The following CDC42BPB variants were observed in gnomAD, a reference collection of about 807,000 sequenced individuals.
The protein encoded by CDC42BPB is serine/threonine-protein kinase MRCK beta.
CDC42BPB carries 37 observed loss-of-function variants against 214.9 expected under a neutral mutation model. The ratio of observed to expected loss-of-function variants is 0.17; its 90% CI spans 0.13 to 0.23. The LOEUF (loss-of-function observed/expected upper bound fraction) is 0.23. Ranked by LOEUF, CDC42BPB falls within the 10% of genes least tolerant of loss-of-function variation. The pLI, the probability that CDC42BPB is intolerant of heterozygous loss-of-function variation, is 1.00. For synonymous variants in CDC42BPB, 931 were observed against 884.0 expected, an observed-to-expected ratio of 1.05 and a Z score of -0.94; for missense variants, 1,694 against 2,227.0, an observed-to-expected ratio of 0.76 and a Z score of 4.82.
rs376271446 is a variant in CDC42BPB at position 102,970,138 on chromosome 14, C to T, written c.1995+13G>A. The T allele has an allele frequency of 1.6e-5, 25 of 1,597,064 alleles. No homozygotes were observed. The highest frequency in any genetic ancestry group is 2.7e-5 in the African/African-American group (2 of 74,536). ...CCTCTCAGTTAAGGGCAGAGACCCC[C>T]GCCCAGCACTACCTTGAGGGCCTCC... On this transcript the variant is annotated intron_variant, in intron 14 of 36. Coordinates refer to ENST00000361246, the MANE Select transcript of CDC42BPB (RefSeq NM_006035.4).
At chr14:102,992,334 A>G (rs1894531872) in intron 5 of CDC42BPB, among the ~76,000 whole-genome samples, 1 of 152,230 alleles carries the variant, frequency 6.6e-6, no homozygotes, top group Non-Finnish European at 1.5e-5. Context: ...ACTACAGATA[A>G]CAGTGATTTA....
chr14:102,934,552 A>C (rs1891552976), intron 36 of CDC42BPB, among the ~76,000 whole-genome samples: 1 of 152,048 alleles, frequency 6.6e-6, no homozygotes, highest in Non-Finnish European at 1.5e-5. Flanking sequence ...ACAAAACAAA[A>C]AAAACAAAAA....
rs892688973 is a variant in CDC42BPB, at chr14:102,943,681, G to A, written c.4408+210C>T. ...AGAACCGGCCCCATGTGCTCAGGGA[G>A]AGAGGTTGCTGAGCCCGCCTACTGC... On this transcript the variant is annotated intron_variant, in intron 30 of 36. Transcript: ENST00000361246. The surrounding 1 kb of genome is among the most constrained non-coding windows in gnomAD (Gnocchi z 4.6). The A allele has an allele frequency of 3.5e-6, 2 of 568,300 alleles. No homozygotes were observed. The highest frequency in any genetic ancestry group is 6.2e-6 in the Non-Finnish European group (2 of 324,266). 35.2% of individuals were successfully genotyped at this position (568,300 alleles called of 1,614,324 possible). A position where few individuals can be genotyped will look rare whatever the true frequency, so the allele number is the denominator to read the frequency against.
chr14:102,990,746 C>A (rs557406484), intron 5 of CDC42BPB, among the ~76,000 whole-genome samples: 32 of 152,218 alleles, frequency 2.1e-4, no homozygotes, highest in African/African-American at 7.7e-4. Flanking sequence ...ATAGGATGAG[C>A]CAGAAACTAA....
intron 6 of CDC42BPB, among the ~76,000 whole-genome samples, chr14:102,985,114 A>AT: frequency 6.6e-6 from 1 of 151,502 alleles, no homozygotes. Context: ...AGGGTAACCC[A>AT]TGTTCTGGTT....
rs1043565411 is a variant in CDC42BPB at position 103,057,491 on chromosome 14, C to T, written c.-318G>A. 5.4e-6 allele frequency: 1 copy of T among 185,136 alleles called. No homozygotes were observed. Among genetic ancestry groups the T allele is most frequent in the Non-Finnish European group, 9.9e-6 (1 of 100,714 alleles). The allele number at this position is 185,136 out of a possible 1,614,324, so 11.5% of individuals were successfully genotyped here. A position where few individuals can be genotyped will look rare whatever the true frequency, so the allele number is the denominator to read the frequency against. On this transcript the variant is annotated 5_prime_UTR_variant, in exon 1 of 37. Transcript: ENST00000361246. ...GCCGCGCCCTCCCCGCCGCCGCCGC[C>T]GCAGACTAGGAGCGGCGAGGAGCCT...
chr14:102,948,051 C>A, intron 26 of CDC42BPB: 2 of 798,812 alleles, frequency 2.5e-6, no homozygotes, highest in Non-Finnish European at 3.0e-6. Flanking sequence ...TGTGCTGGTG[C>A]CTCCAGACTA....
chr14:102,974,426 C>T (rs1893643361), intron 11 of CDC42BPB: 7 of 925,354 alleles, frequency 7.6e-6, no homozygotes, highest in Non-Finnish European at 9.0e-6. Context: ...TTGGGTGGCG[C>T]ACACACTCGT....
intron 8 of CDC42BPB, among the ~76,000 whole-genome samples, chr14:102,978,815 A>G (rs1893872158): frequency 6.6e-6 from 1 of 152,106 alleles, no homozygotes. Flanking sequence ...AGATCAGCCT[A>G]GGCCAACATG....
chr14:103,008,611 C>A, intron 2 of CDC42BPB, 56 bp from the exon 3 acceptor site: 2 of 1,591,136 alleles, frequency 1.3e-6, no homozygotes, highest in Non-Finnish European at 8.6e-7. Flanking sequence ...AAGGCTAGCA[C>A]GCTGGAGCTA....
At chr14:102,954,459 C>A (rs1278643757) in intron 22 of CDC42BPB, 143 bp downstream of exon 22, 2 of 1,425,640 alleles carry the variant, frequency 1.4e-6, no homozygotes, top group Admixed American at 5.7e-5. Context: ...ACAGTTAATT[C>A]TCAAAATGAA....
intron 27 of CDC42BPB, among the ~76,000 whole-genome samples, chr14:102,947,268 AGTCTTCTAGGAACGTCCTAATGCTACAAT>A (rs1892225114): frequency 1.3e-5 from 2 of 152,172 alleles, no homozygotes; most frequent in African/African-American, 4.8e-5. Context: ...TCCCCAATTC[AGTCTTCTAGGAACGTCCTAATGCTACAAT>A]GTCTAACACT....
At chr14:103,019,457 G>T (rs1886648540) in intron 1 of CDC42BPB, among the ~76,000 whole-genome samples, 1 of 152,130 alleles carries the variant, frequency 6.6e-6, no homozygotes, top group South Asian at 2.1e-4. Flanking sequence ...CCAGCACAAA[G>T]CCACCTCTTC....
intron 30 of CDC42BPB, among the ~76,000 whole-genome samples, chr14:102,942,137 TG>T (rs35693006): frequency 0.026 from 4,018 of 152,262 alleles, 61 homozygotes; most frequent in Non-Finnish European, 0.037. Flanking sequence ...GACAGGGTGT[TG>T]GGGGGTAAGA....
In CDC42BPB at chr14:102,968,486, C is replaced by G. The variant is rs148812684; in HGVS notation, c.2226G>C (p.Lys742Asn). The G allele has an allele frequency of 2.5e-6, 4 of 1,614,130 alleles. No individual in the cohort carries two copies. The South Asian group carries it at 4.4e-5, about 18-fold the overall frequency. ...TGAAAACCTACCGTTCTCGCTTTGA[C>G]TTTTCTAACTTATCTTTTAACATCA... ...EILMLKDKLE[K>N]SKRERHNEME... Residue 742 changes from lysine (K) to asparagine (N), a missense_variant, in exon 15 of 37, where the codon AAG (lysine) becomes AAC (asparagine). Transcript: ENST00000361246.
At chr14:102,968,859 A>C in intron 14 of CDC42BPB, 143 bp from the exon 15 acceptor site, 1 of 1,476,400 alleles carries the variant, frequency 6.8e-7, no homozygotes, top group Non-Finnish European at 8.9e-7. Flanking sequence ...GACGTAGCTG[A>C]CCTGGCTAAC....
rs1051618765 is a variant in CDC42BPB at position 103,057,174 on chromosome 14, G to T, written c.-1C>A. 5 of 1,426,626 alleles carry T rather than the reference G, an allele frequency of 3.5e-6. No individual in the cohort carries two copies. The highest frequency in any genetic ancestry group is 4.6e-6 in the Non-Finnish European group (5 of 1,087,382). 88.4% of individuals were successfully genotyped at this position (1,426,626 alleles called of 1,614,324 possible). A position where few individuals can be genotyped will look rare whatever the true frequency, so the allele number is the denominator to read the frequency against. ...TCTTGAGCCGCACCTTGGCCGACAT[G>T]GTGCCGCGCGGCCCGCTCCCGACGC... On this transcript the variant is annotated 5_prime_UTR_variant, in exon 1 of 37. Coordinates refer to ENST00000361246, the MANE Select transcript of CDC42BPB (RefSeq NM_006035.4).
Position 102,943,755 on chromosome 14 carries a change from T to G in CDC42BPB, c.4408+136A>C. On this transcript the variant is annotated intron_variant, in intron 30 of 36. Coordinates refer to ENST00000361246, the MANE Select transcript of CDC42BPB (RefSeq NM_006035.4). This position sits in a 1 kb window ranked among gnomAD's most constrained non-coding sequence, Gnocchi z 4.6. ...CCATGCTCTCTGCTGCGGGCTGGCA[T>G]GGGGCCCACCTCTCCCGATGCTCTG... 1 of 749,912 alleles carries G rather than the reference T, an allele frequency of 1.3e-6. No individual in the cohort carries two copies. Among genetic ancestry groups the G allele is most frequent in the Admixed American group, 2.8e-5 (1 of 36,264 alleles). 46.5% of individuals were successfully genotyped at this position (749,912 alleles called of 1,614,324 possible).
Position 102,944,350 on chromosome 14 carries a change from T to C in CDC42BPB, c.3949A>G (p.Ser1317Gly). 2 of 1,613,184 alleles carry C rather than the reference T, an allele frequency of 1.2e-6. No homozygotes were observed. The highest frequency in any genetic ancestry group is 1.7e-6 in the Non-Finnish European group (2 of 1,180,010). The part of the protein sequence containing the change: ...PWSSLDGAEG[S>G]FDIKLPETKG... ...GTTTCCGGAAGCTTGATGTCAAAGCTGCCTTCCGCTCCATCAAGGGACGAC... is the reference window on the plus strand; with the variant it reads ...GTTTCCGGAAGCTTGATGTCAAAGCCGCCTTCCGCTCCATCAAGGGACGAC... The change falls in exon 30 of 37, where the codon AGC (serine) becomes GGC (glycine). Residue 1317 changes from serine to glycine, a missense_variant. Ser to Gly is a moderately conservative substitution (Grantham distance 56, BLOSUM62 0). This residue lies in a region of CDC42BPB where 567 missense variants were observed against 790.3 expected (regional missense o/e 0.72). Coordinates refer to ENST00000361246, the MANE Select transcript of CDC42BPB (RefSeq NM_006035.4). The surrounding 1 kb of genome is among the most constrained non-coding windows in gnomAD (Gnocchi z 6.6).
Sources: allele counts gnomAD v4.1 joint callset (sites outside exome capture counted in the v4.1 genomes callset), GRCh38; gene constraint gnomAD v4.1.1; regional missense constraint gnomAD v4.1.1; non-coding constraint Gnocchi (gnomAD v3.1); transcripts MANE v1.5; gene names NCBI Gene and HGNC (gene_info 2026-07-23, HGNC 2026-07-21).